Variants in NOX5 observed in about 807,000 individuals in gnomAD.
NOX5 encodes NADPH oxidase, EF-hand calcium binding domain 5.
Under a neutral mutation model 85.7 loss-of-function variants are expected in NOX5, and 76 were observed. The ratio of observed to expected loss-of-function variants is 0.89; its 90% CI spans 0.74 to 1.07. The LOEUF is 1.07. Among genes scored for constraint, NOX5 ranks in the 50% least tolerant of loss-of-function variants. The pLI, the probability that NOX5 is intolerant of heterozygous loss-of-function variation, is 0.00. For synonymous variants in NOX5, 405 were observed against 401.4 expected (o/e 1.01, Z -0.11); for missense variants, 973 against 999.5 (o/e 0.97, Z 0.36).
At chr15:69,032,955 G>C in intron 4 of NOX5, 88 bp from the exon 5 acceptor site, 1 of 1,495,586 alleles carries the variant, frequency 6.7e-7, no homozygotes, top group Non-Finnish European at 8.8e-7. Flanking sequence ...GACTTGGTCG[G>C]CCATAGCTTG....
At chr15:69,016,982 C>T (rs1447861259) in intron 1 of NOX5, among the ~76,000 whole-genome samples, 1 of 152,168 alleles carries the variant, frequency 6.6e-6, no homozygotes, top group Non-Finnish European at 1.5e-5. Flanking sequence ...TCATTATACT[C>T]TCCTCCCTTG....
chr15:69,056,882 C>A lies in NOX5; in HGVS notation c.*186C>A. 1.6e-6 allele frequency: 1 copy of A among 616,914 alleles called. No homozygotes were observed. Among genetic ancestry groups the A allele is most frequent in the Non-Finnish European group, 2.7e-6 (1 of 373,710 alleles). 38.2% of individuals were successfully genotyped at this position (616,914 alleles called of 1,614,324 possible). ...GGGCAGATGAACTTCCTCTAGAACC[C>A]AGGGGAAGGGACAGTGCCTTGTTCA... On this transcript the variant is annotated 3_prime_UTR_variant, in exon 16 of 16. Transcript: ENST00000388866.
Position 69,035,468 on chromosome 15 carries a change from C to G in NOX5, c.970C>G (p.Leu324Val). Residue 324 changes from leucine (L) to valine (V), a missense_variant, in exon 6 of 16, where the codon CTG becomes GTG. Leu to Val is a conservative substitution (Grantham distance 32, BLOSUM62 1). Transcript: ENST00000388866. ...GCTTATGGGCTACGTGGTAGTGGGG[C>G]TGTCCCTCGTGCACACCGTGGCTCA... Reference protein sequence around the residue: ...HQLMGYVVVGLSLVHTVAHTV... With the variant: ...HQLMGYVVVGVSLVHTVAHTV... The G allele has an allele frequency of 6.2e-7, 1 of 1,614,190 alleles. No individual in the cohort carries two copies. Among genetic ancestry groups the G allele is most frequent in the South Asian group, 1.1e-5 (1 of 91,090 alleles).
At chr15:69,051,320 T>C (rs1297887012) in intron 14 of NOX5, among the ~76,000 whole-genome samples, 1 of 152,182 alleles carries the variant, frequency 6.6e-6, no homozygotes, top group East Asian at 1.9e-4. Context: ...CATTGTTTCA[T>C]GTGTTTTGTC....
intron 10 of NOX5, among the ~76,000 whole-genome samples, chr15:69,045,214 C>T (rs1218944364): frequency 1.3e-5 from 2 of 152,228 alleles, no homozygotes; most frequent in South Asian, 2.1e-4. Context: ...TGCTACCTTC[C>T]TAACTTTTGC....
chr15:69,051,330 C>T (rs2050746336), intron 14 of NOX5, among the ~76,000 whole-genome samples: 1 of 152,088 alleles, frequency 6.6e-6, no homozygotes, highest in Non-Finnish European at 1.5e-5. Flanking sequence ...TGTGTTTTGT[C>T]CATTTTTCTG....
rs1223752405 is a variant in NOX5, at chr15:69,031,964, C to T, written c.620+152C>T. The stretch of plus-strand genomic sequence containing the variant: ...GCCCACTCTTGAGTGTACTGCAGGG[C>T]AGCTGTCTTCATTGCCTCCACTTCC... On this transcript the variant is annotated intron_variant, in intron 4 of 15. Transcript: ENST00000388866. 4 of 761,632 alleles carry T rather than the reference C, an allele frequency of 5.3e-6. No homozygotes were observed. In the African/African-American group the frequency reaches 5.3e-5, roughly 10 times the overall value. 47.2% of individuals were successfully genotyped at this position (761,632 alleles called of 1,614,324 possible). A position where few individuals can be genotyped will look rare whatever the true frequency, so the allele number is the denominator to read the frequency against.
intron 2 of NOX5, among the ~76,000 whole-genome samples, 181 bp downstream of exon 2, chr15:69,026,832 G>A (rs2050364632): frequency 6.6e-6 from 1 of 152,182 alleles, no homozygotes; most frequent in South Asian, 2.1e-4. Flanking sequence ...GGCCTCCTGG[G>A]TCTTCAACAC....
At chr15:69,049,280 C>T (rs7163400) in intron 14 of NOX5, among the ~76,000 whole-genome samples, 10,002 of 151,832 alleles carry the variant, frequency 0.066, 557 homozygotes, top group East Asian at 0.22. Context: ...CAGCCTCCAC[C>T]TCCCAGGCTC....
rs918442410 is a variant in NOX5 at position 69,037,501 on chromosome 15, G to A, written c.1371+291G>A. 3.1e-5 allele frequency: 12 copies of A among 386,712 alleles called. 1 individual carries two copies. Among genetic ancestry groups the A allele is most frequent in the African/African-American group, 8.1e-5 (4 of 49,326 alleles). 24.0% of individuals were successfully genotyped at this position (386,712 alleles called of 1,614,324 possible). ...TTTATTAGTGCCTACAGGGTGCCAG[G>A]CCCTGAACTAGGTTACAGAGAAATA... On this transcript the variant is annotated intron_variant, in intron 8 of 15. Transcript: ENST00000388866.
chr15:69,020,685 A>T (rs945686714), intron 1 of NOX5, among the ~76,000 whole-genome samples: 1 of 151,894 alleles, frequency 6.6e-6, no homozygotes, highest in Non-Finnish European at 1.5e-5. Flanking sequence ...GATATAGATC[A>T]TTGATTTTGG....
At chr15:69,015,556 G>A (rs571004705) in intron 1 of NOX5, among the ~76,000 whole-genome samples, 3 of 152,280 alleles carry the variant, frequency 2.0e-5, no homozygotes, top group African/African-American at 7.2e-5. Context: ...GTGCATGGGT[G>A]GGTCACCCAT....
intron 4 of NOX5, among the ~76,000 whole-genome samples, chr15:69,032,512 G>A (rs2050450583): frequency 6.6e-6 from 1 of 151,772 alleles, no homozygotes; most frequent in African/African-American, 2.4e-5. Context: ...CCGGGTTCAA[G>A]CGATTCTCCT....
Position 69,047,928 on chromosome 15 carries a change from G to T in NOX5, c.1899+17G>T. On this transcript the variant is annotated intron_variant, in intron 13 of 15. Transcript: ENST00000388866. ...CTCCATAAGGTGAGTACCACCTCCT[G>T]CAGGCAGGCCTCCAGACCTTCTCCC... is the stretch of plus-strand genomic sequence containing the variant. 1 of 1,612,608 alleles carries T rather than the reference G, an allele frequency of 6.2e-7. No individual in the cohort carries two copies. The highest frequency in any genetic ancestry group is 2.2e-5 in the East Asian group (1 of 44,876).
chr15:69,023,062 G>A (rs1419102955), intron 1 of NOX5: 15 of 445,542 alleles, frequency 3.4e-5, no homozygotes, highest in Non-Finnish European at 4.4e-6. Flanking sequence ...GCATCAACTG[G>A]TTACCACTGT....
intron 9 of NOX5, among the ~76,000 whole-genome samples, chr15:69,039,372 TG>T (rs2050563929): frequency 2.2e-5 from 1 of 46,508 alleles, no homozygotes; most frequent in South Asian, 5.6e-4. Flanking sequence ...ACTAGAGCTA[TG>T]GGGGGTGGCG....
In NOX5 at chr15:69,033,178, C is replaced by G. The variant is rs780055193; in HGVS notation, c.756C>G (p.Leu252=). The G allele has an allele frequency of 5.7e-6, 9 of 1,589,518 alleles. No individual in the cohort carries two copies. The South Asian group carries it at 1.0e-4, about 18-fold the overall frequency. ...LATYAGLHVL[L]FGLAASAHRD... ...CCTATGCAGGCCTCCACGTGCTGCT[C>G]TTCGGGCTGGCGGCCAGCGCGCACC... Residue 252 remains leucine (L), a synonymous_variant, in exon 5 of 16, where the codon CTC becomes CTG. Transcript: ENST00000388866.
At chr15:69,054,944 C>T (rs1318322509) in intron 14 of NOX5, among the ~76,000 whole-genome samples, 1 of 152,154 alleles carries the variant, frequency 6.6e-6, no homozygotes, top group East Asian at 1.9e-4. Flanking sequence ...AAAGTCTTGG[C>T]CAGGCATGGT....
chr15:69,016,823 C>T (rs1349643561), intron 1 of NOX5, among the ~76,000 whole-genome samples: 2 of 152,026 alleles, frequency 1.3e-5, no homozygotes, highest in African/African-American at 2.4e-5. Flanking sequence ...TACATACATA[C>T]ACACACTAAA....
Sources: allele counts gnomAD v4.1 joint callset (sites outside exome capture counted in the v4.1 genomes callset), GRCh38; gene constraint gnomAD v4.1.1; transcripts MANE v1.5; gene names NCBI Gene and HGNC (gene_info 2026-07-23, HGNC 2026-07-21).